Variants in TRRAP observed in about 807,000 individuals in gnomAD.
TRRAP encodes the protein transformation/transcription domain associated protein, also known as transformation/transcription domain-associated protein.
In TRRAP, 41 loss-of-function variants were observed where a neutral mutation model predicts 438.8. The observed-to-expected ratio is 0.09, with a 90% CI of 0.07 to 0.12. TRRAP has a LOEUF of 0.12. Ranked by LOEUF, TRRAP falls within the 10% of genes least tolerant of loss-of-function variation. The pLI is 1.00. For synonymous variants in TRRAP, 1,994 were observed against 1,962.9 expected, an observed-to-expected ratio of 1.02 and a Z score of -0.42; for missense variants, 3,122 against 5,055.1, an observed-to-expected ratio of 0.62 and a Z score of 11.60.
At chr7:98,985,837 A>T (rs1793126364) in intron 62 of TRRAP, among the ~76,000 whole-genome samples, 1 of 152,260 alleles carries the variant, frequency 6.6e-6, no homozygotes, top group Non-Finnish European at 1.5e-5. Context: ...TGTACAATTT[A>T]GTGGGTTTTA....
chr7:98,993,555 C>T lies in TRRAP; in HGVS notation c.9865C>T (p.Pro3289Ser), dbSNP rs1490922743. Residue 3289 changes from proline to serine, a missense_variant, in exon 66 of 73, where the codon CCA becomes TCA. Physicochemically the swap from Pro to Ser is moderately conservative, Grantham distance 74. This residue lies in a region of TRRAP where 107 missense variants were observed against 327.5 expected (regional missense o/e 0.33). Transcript: ENST00000456197. ...GCTCTCAGATTCTGGACAGCAGCAG[C>T]CAAGTTCAGTGGGTAACCAGTCCCA... ...RYKSDSGQQQPSSVGNQSHSA... is the reference protein window; with the variant it reads ...RYKSDSGQQQSSSVGNQSHSA... 4.3e-6 allele frequency: 7 copies of T among 1,612,134 alleles called. No homozygotes were observed. The East Asian group carries it at 1.3e-4, about 31-fold the overall frequency.
chr7:98,959,936 T>TGAAAAAAAAAAAAA (rs1483906654), intron 45 of TRRAP, among the ~76,000 whole-genome samples: 4 of 112,698 alleles, frequency 3.5e-5, no homozygotes, highest in African/African-American at 1.5e-4. Flanking sequence ...CCTGGTCTCT[T>TGAAAAAAAAAAAAA]AAAAAAAAAA....
rs1554419871 is a variant in TRRAP at position 98,956,558 on chromosome 7, G to C, written c.6231+25G>C. 2 of 1,601,076 alleles carry C rather than the reference G, an allele frequency of 1.2e-6. No homozygotes were observed. Among genetic ancestry groups the C allele is most frequent in the African/African-American group, 2.7e-5 (2 of 74,116 alleles). On this transcript the variant is annotated intron_variant, in intron 43 of 72. Coordinates refer to ENST00000456197, the MANE Select transcript of TRRAP (RefSeq NM_001375524.1). The surrounding 1 kb of genome is among the most constrained non-coding windows in gnomAD (Gnocchi z 4.5). ...AGTAAGATCATGTGCCTCTGTATGG[G>C]TGCTGCGCATTCTGCTGGGAGTTGG...
intron 22 of TRRAP, among the ~76,000 whole-genome samples, chr7:98,926,871 T>C (rs1294423190): frequency 6.6e-6 from 1 of 150,950 alleles, no homozygotes; most frequent in Non-Finnish European, 1.5e-5. Context: ...CAAAAAAAAT[T>C]AGCTGGGCGT....
Position 98,917,291 on chromosome 7 carries a change from A to G in TRRAP, c.2366-132A>G, listed in dbSNP as rs1584308082. 15 of 1,277,434 alleles carry G rather than the reference A, an allele frequency of 1.2e-5. No individual in the cohort carries two copies. In the East Asian group the frequency reaches 3.3e-4, roughly 28 times the overall value. 79.1% of individuals were successfully genotyped at this position (1,277,434 alleles called of 1,614,324 possible). On this transcript the variant is annotated intron_variant, in intron 19 of 72. Coordinates refer to ENST00000456197, the MANE Select transcript of TRRAP (RefSeq NM_001375524.1). Reference sequence around the variant, plus strand: ...GGACAGATGTAACAGGGTGGAGTCTAAGGGCACAGAGGTCTCCCTGCAGTT... The same window carrying G: ...GGACAGATGTAACAGGGTGGAGTCTGAGGGCACAGAGGTCTCCCTGCAGTT...
At chr7:98,928,218 A>G (rs1341390431) in intron 23 of TRRAP, among the ~76,000 whole-genome samples, 1 of 152,086 alleles carries the variant, frequency 6.6e-6, no homozygotes, top group African/African-American at 2.4e-5. Context: ...CCTGGGCAAC[A>G]AGAGCGAAAC....
Position 98,948,106 on chromosome 7 carries a change from T to C in TRRAP, c.4549-115T>C. 6.8e-7 allele frequency: 1 copy of C among 1,480,234 alleles called. No homozygotes were observed. Among genetic ancestry groups the C allele is most frequent in the Non-Finnish European group, 9.2e-7 (1 of 1,086,338 alleles). 91.7% of individuals were successfully genotyped at this position (1,480,234 alleles called of 1,614,324 possible). The stretch of plus-strand genomic sequence containing the variant: ...TGGCTTTTACATGTGAACCCTTCGC[T>C]TCACTGCCTAGCCTTGCCAACATAG... On this transcript the variant is annotated intron_variant, in intron 33 of 72. Transcript: ENST00000456197. The surrounding 1 kb of genome is among the most constrained non-coding windows in gnomAD (Gnocchi z 4.9).
rs368415419 is a variant in TRRAP, at chr7:99,003,789, C to T, written c.10310-401C>T. On this transcript the variant is annotated intron_variant, in intron 67 of 72. Transcript: ENST00000456197. ...GTATAAAACGTGTAATTCGGCTGGG[C>T]ATAGTGGTTCACGCCTGTAATCCCA... Among the ~76,000 whole-genome samples, 10 of 152,288 alleles carry T rather than the reference C, an allele frequency of 6.6e-5. No homozygotes were observed. In the South Asian group the frequency reaches 2.1e-3, roughly 32 times the overall value.
intron 53 of TRRAP, among the ~76,000 whole-genome samples, chr7:98,973,554 G>A (rs1304771916): frequency 6.6e-6 from 1 of 152,222 alleles, no homozygotes; most frequent in Non-Finnish European, 1.5e-5. Context: ...GGCCATGGCT[G>A]CTCTCTGGAT....
intron 28 of TRRAP, among the ~76,000 whole-genome samples, chr7:98,935,929 C>T (rs1219836489): frequency 6.6e-6 from 1 of 152,130 alleles, no homozygotes; most frequent in African/African-American, 2.4e-5. Flanking sequence ...ATGAATCAGA[C>T]GTTCTGGTTT....
In TRRAP at chr7:98,999,454, G is replaced by A. The variant is rs1011912177; in HGVS notation, c.10309+4606G>A. The A allele has an allele frequency of 3.5e-6, 3 of 862,566 alleles. No homozygotes were observed. The African/African-American group carries it at 5.0e-5, about 14-fold the overall frequency. 53.4% of individuals were successfully genotyped at this position (862,566 alleles called of 1,614,324 possible). ...TCTAGCTCTGATGGGAGGGGCTTGA[G>A]CTATCCTTCTCGGCACTTTTTCCTG... is the stretch of plus-strand genomic sequence containing the variant. On this transcript the variant is annotated intron_variant, in intron 67 of 72. Transcript: ENST00000456197.
intron 13 of TRRAP, among the ~76,000 whole-genome samples, chr7:98,907,660 A>T (rs373823009): frequency 6.6e-6 from 1 of 152,292 alleles, no homozygotes; most frequent in East Asian, 1.9e-4. Context: ...ATAGCATTTG[A>T]GTCTCTGCGT....
chr7:98,920,154 G>A (rs1789714235), intron 20 of TRRAP, among the ~76,000 whole-genome samples: 1 of 152,232 alleles, frequency 6.6e-6, no homozygotes, highest in South Asian at 2.1e-4. Context: ...ATTTGGCATT[G>A]TTAAATGGAA....
At chr7:98,952,024 T>A (rs1414736846) in intron 39 of TRRAP, among the ~76,000 whole-genome samples, 1 of 152,166 alleles carries the variant, frequency 6.6e-6, no homozygotes, top group African/African-American at 2.4e-5. Context: ...GGTGTGGGCC[T>A]GCCAAGAAGC....
chr7:98,962,987 A>T (rs1791983396), intron 47 of TRRAP, among the ~76,000 whole-genome samples: 1 of 152,178 alleles, frequency 6.6e-6, no homozygotes, highest in South Asian at 2.1e-4. Context: ...TAGTGCCTCA[A>T]AATTTATTTT....
At chr7:98,897,686 TGAATGAA>T in intron 7 of TRRAP, 48 bp from the exon 8 acceptor site, 5 of 1,558,048 alleles carry the variant, frequency 3.2e-6, no homozygotes, top group African/African-American at 1.4e-5. Flanking sequence ...GTTTTGTTTT[TGAATGAA>T]TATTGGGTTT....
intron 10 of TRRAP, 63 bp from the exon 11 acceptor site, chr7:98,900,560 CT>C: frequency 7.2e-7 from 1 of 1,391,152 alleles, no homozygotes; most frequent in African/African-American, 1.4e-5. Flanking sequence ...TGGTTACAGG[CT>C]TTTAATTAAT....
intron 70 of TRRAP, among the ~76,000 whole-genome samples, chr7:99,010,325 T>C (rs1231172692): frequency 6.6e-6 from 1 of 152,256 alleles, no homozygotes; most frequent in Non-Finnish European, 1.5e-5. Context: ...GAGCAGATTT[T>C]GGAACTCCTT....
chr7:98,931,097 C>T (rs1187141630), intron 25 of TRRAP, among the ~76,000 whole-genome samples: 1 of 152,204 alleles, frequency 6.6e-6, no homozygotes, highest in East Asian at 1.9e-4. Flanking sequence ...AATTCTGCTT[C>T]TCATGTGCTG....
Sources: gnomAD v4.1 joint callset for allele counts (sites outside exome capture counted in the v4.1 genomes callset) on GRCh38, gnomAD v4.1.1 for gene constraint, gnomAD v4.1.1 regional missense constraint, Gnocchi (gnomAD v3.1) non-coding constraint, MANE v1.5 for transcripts, NCBI Gene and HGNC (gene_info 2026-07-23, HGNC 2026-07-21) for gene names.